Variants in C10orf67 observed in about 807,000 individuals in gnomAD.
C10orf67 encodes chromosome 10 open reading frame 67.
Under a neutral mutation model 35.6 loss-of-function variants are expected in C10orf67, and 60 were observed. That is an observed-to-expected ratio of 1.68 (90% confidence interval 1.37 to 2.09). The LOEUF (loss-of-function observed/expected upper bound fraction) is 2.09. Among genes scored for constraint, C10orf67 ranks in the 30% most tolerant of loss-of-function variants. The pLI, the probability that C10orf67 is intolerant of heterozygous loss-of-function variation, is 0.00. For missense variants in C10orf67, 474 were observed against 330.2 expected, an observed-to-expected ratio of 1.44 and a Z score of -3.38; for synonymous variants, 167 against 115.8, an observed-to-expected ratio of 1.44 and a Z score of -2.84.
At chr10:23,270,981 T>C (rs1311026898) in intron 8 of C10orf67, among the ~76,000 whole-genome samples, 1 of 152,136 alleles carries the variant, frequency 6.6e-6, no homozygotes, top group African/African-American at 2.4e-5. Flanking sequence ...AAATGGCAAG[T>C]TGGATAAAGA....
chr10:23,344,735 T>C lies in C10orf67; in HGVS notation c.40A>G (p.Ser14Gly), dbSNP rs773075679. 2 of 1,572,772 alleles carry C rather than the reference T, an allele frequency of 1.3e-6. No individual in the cohort carries two copies. The highest frequency in any genetic ancestry group is 8.6e-7 in the Non-Finnish European group (1 of 1,159,446). The change falls in exon 1 of 16, where the codon AGC becomes GGC. Residue 14 changes from serine to glycine, a missense_variant. Coordinates refer to ENST00000636213, the MANE Select transcript of C10orf67 (RefSeq NM_001371909.1). ...CAGTGAACCCATCTAATAACTATGCTCATGACATAATGAGCCCTGCGATCC... is the reference window on the plus strand; with the variant it reads ...CAGTGAACCCATCTAATAACTATGCCCATGACATAATGAGCCCTGCGATCC... ...VRDRRAHYVM[S>G]IVIRWVHCFS...
intron 7 of C10orf67, among the ~76,000 whole-genome samples, chr10:23,289,456 G>C (rs893672866): frequency 3.3e-5 from 5 of 152,028 alleles, no homozygotes; most frequent in Non-Finnish European, 7.4e-5. Flanking sequence ...GAACCACTGC[G>C]CCCCACCTTG....
At chr10:23,227,926 T>A (rs978553333) in intron 13 of C10orf67, among the ~76,000 whole-genome samples, 10 of 151,988 alleles carry the variant, frequency 6.6e-5, no homozygotes, top group African/African-American at 2.4e-4. Flanking sequence ...CCACTGCTCA[T>A]CGAAATCAAA....
At chr10:23,236,429 T>A (rs1842055789) in intron 13 of C10orf67, among the ~76,000 whole-genome samples, 1 of 151,052 alleles carries the variant, frequency 6.6e-6, no homozygotes, top group Non-Finnish European at 1.5e-5. Context: ...AGACTCTGTC[T>A]CAAAACAAAA....
At chr10:23,256,718 T>C (rs984152543) in intron 10 of C10orf67, among the ~76,000 whole-genome samples, 1 of 151,872 alleles carries the variant, frequency 6.6e-6, no homozygotes, top group African/African-American at 2.4e-5. Context: ...CAGATACTCA[T>C]GAGAAAAATT....
chr10:23,298,178 C>T (rs1588666079), intron 5 of C10orf67, among the ~76,000 whole-genome samples: 1 of 152,138 alleles, frequency 6.6e-6, no homozygotes, highest in African/African-American at 2.4e-5. Context: ...TGGCATGAAC[C>T]TGGGAGGCGG....
chr10:23,285,721 A>G (rs4486516), intron 7 of C10orf67, among the ~76,000 whole-genome samples: 143,755 of 152,310 alleles, frequency 0.94, 67,949 homozygotes, highest in South Asian at 0.98. Flanking sequence ...TGAAAAAGTA[A>G]AGTCACATAT....
Position 23,303,287 on chromosome 10 carries a change from C to T in C10orf67, c.702+17G>A, listed in dbSNP as rs1392068589. On this transcript the variant is annotated intron_variant, in intron 5 of 15. Coordinates refer to ENST00000636213, the MANE Select transcript of C10orf67 (RefSeq NM_001371909.1). ...TTATGTATATTAAAATTAATTATTC[C>T]TTGCCTTGAAACTTACCATTTTGTG... The T allele has an allele frequency of 2.0e-6, 1 of 509,398 alleles. No homozygotes were observed. Among genetic ancestry groups the T allele is most frequent in the South Asian group, 3.6e-5 (1 of 28,148 alleles). 31.6% of individuals were successfully genotyped at this position (509,398 alleles called of 1,614,324 possible). A position where few individuals can be genotyped will look rare whatever the true frequency, so the allele number is the denominator to read the frequency against.
chr10:23,203,997 G>A lies in C10orf67; in HGVS notation c.*176C>T, dbSNP rs1405652375. ...GCGTGGAAAGGAGCGCGCACAAGGC[G>A]CGCATTGAGGTCTATTCGAGCGCAG... On this transcript the variant is annotated 3_prime_UTR_variant, in exon 16 of 16. Transcript: ENST00000636213. 6 of 379,318 alleles carry A rather than the reference G, an allele frequency of 1.6e-5. No individual in the cohort carries two copies. The highest frequency in any genetic ancestry group is 1.4e-4 in the South Asian group (1 of 6,914). The allele number at this position is 379,318 out of a possible 1,614,324, so 23.5% of individuals were successfully genotyped here. A position where few individuals can be genotyped will look rare whatever the true frequency, so the allele number is the denominator to read the frequency against.
In C10orf67 at chr10:23,322,431, T is replaced by C. The variant is rs776032338; in HGVS notation, c.434A>G (p.His145Arg). The C allele has an allele frequency of 5.6e-6, 9 of 1,609,124 alleles. No individual in the cohort carries two copies. The highest frequency in any genetic ancestry group is 3.3e-5 in the South Asian group (3 of 90,930). ...CTTTTCAATTTCTAGGATCCTGTCA[T>C]GCAGAATGGTGAAGAGACTCAAAGA... ...EESLSLFTIL[H>R]DRILEIEKHY... Residue 145 changes from histidine to arginine, a missense_variant, in exon 3 of 16, where the codon CAT (histidine) becomes CGT (arginine). Coordinates refer to ENST00000636213, the MANE Select transcript of C10orf67 (RefSeq NM_001371909.1).
chr10:23,289,933 C>G lies in C10orf67; in HGVS notation c.876G>C (p.Glu292Asp), dbSNP rs1372911558. The G allele has an allele frequency of 4.2e-6, 3 of 717,112 alleles. No individual in the cohort carries two copies. The highest frequency in any genetic ancestry group is 4.0e-5 in the Admixed American group (2 of 49,974). 44.4% of individuals were successfully genotyped at this position (717,112 alleles called of 1,614,324 possible). A position where few individuals can be genotyped will look rare whatever the true frequency, so the allele number is the denominator to read the frequency against. ...TAGTTTTGTGATCCTTTTCTGCCAT[C>G]TCTTTCATACTTATAAGTTCATCTT... Reference protein sequence around the residue: ...GLEDELISMKEMAEKDHKTIQ... With the variant: ...GLEDELISMKDMAEKDHKTIQ... The change falls in exon 7 of 16, where the codon GAG becomes GAC. Residue 292 changes from glutamate (E) to aspartate (D), a missense_variant. Coordinates refer to ENST00000636213, the MANE Select transcript of C10orf67 (RefSeq NM_001371909.1).
chr10:23,276,890 T>C (rs1015146047), intron 8 of C10orf67, among the ~76,000 whole-genome samples: 1 of 152,164 alleles, frequency 6.6e-6, no homozygotes, highest in Non-Finnish European at 1.5e-5. Context: ...CTAATAGCGA[T>C]GTGCCAGGGA....
At chr10:23,278,833 G>T (rs7919530) in intron 8 of C10orf67, among the ~76,000 whole-genome samples, 14,801 of 152,248 alleles carry the variant, frequency 0.097, 1,720 homozygotes, top group East Asian at 0.66. Context: ...AAATCTACCT[G>T]CTGATTTCAG....
At chr10:23,250,723 T>C (rs1036407275) in intron 10 of C10orf67, 32 bp from the exon 11 acceptor site, 1 of 398,342 alleles carries the variant, frequency 2.5e-6, no homozygotes, top group Admixed American at 4.4e-5. Context: ...CAAAGTTAAT[T>C]ACACAAACAA....
chr10:23,340,624 A>G (rs1230184729), intron 1 of C10orf67, among the ~76,000 whole-genome samples: 1 of 152,226 alleles, frequency 6.6e-6, no homozygotes. Context: ...CAGCTCATTC[A>G]GAATCTAACT....
chr10:23,204,296 ACTTATCATACACAGACCACTTCCCACT>A, intron 15 of C10orf67, 41 bp from the exon 16 acceptor site: 1 of 584,470 alleles, frequency 1.7e-6, no homozygotes, highest in South Asian at 2.2e-5. Flanking sequence ...ACTTTGTTTT[ACTTATCATACACAGACCACTTCCCACT>A]CTTCCCCCAA....
chr10:23,251,556 C>A (rs1195816550), intron 10 of C10orf67, among the ~76,000 whole-genome samples: 1 of 152,186 alleles, frequency 6.6e-6, no homozygotes, highest in Non-Finnish European at 1.5e-5. Flanking sequence ...AGAGAGACTT[C>A]CGTGGATGTG....
intron 1 of C10orf67, among the ~76,000 whole-genome samples, chr10:23,337,753 A>G (rs1275928764): frequency 6.6e-6 from 1 of 152,156 alleles, no homozygotes; most frequent in African/African-American, 2.4e-5. Context: ...AAGCCCTGAG[A>G]ACCCAACCCG....
chr10:23,332,617 G>C (rs528857155), intron 2 of C10orf67, among the ~76,000 whole-genome samples: 1 of 151,870 alleles, frequency 6.6e-6, no homozygotes, highest in Admixed American at 6.6e-5. Context: ...CCTGGAGGTG[G>C]CGGCTACAGT....
Sources: gnomAD v4.1 joint callset for allele counts (sites outside exome capture counted in the v4.1 genomes callset) on GRCh38, gnomAD v4.1.1 for gene constraint, MANE v1.5 for transcripts, NCBI Gene and HGNC (gene_info 2026-07-23, HGNC 2026-07-21) for gene names.